DUSP14: variants seen among roughly 807,000 people sequenced by gnomAD.
DUSP14 encodes the protein dual specificity phosphatase 14.
A neutral mutation model predicts 13.2 loss-of-function variants in DUSP14; 5 were observed. The ratio of observed to expected loss-of-function variants is 0.38; its 90% confidence interval spans 0.20 to 0.80. The LOEUF (loss-of-function observed/expected upper bound fraction) is 0.80. DUSP14 is among the 30% of genes least tolerant of loss of function. The probability of loss-of-function intolerance (pLI) is 0.44; values close to 1 mark genes in which losing one functional copy is unlikely to be tolerated. For synonymous variants in DUSP14, 91 were observed against 103.4 expected, an observed-to-expected ratio of 0.88 and a Z score of 0.73; for missense variants, 185 against 264.0, an observed-to-expected ratio of 0.70 and a Z score of 2.07.
chr17:37,498,707 C>G (rs12936188), intron 1 of DUSP14, among the ~76,000 whole-genome samples: 5 of 149,892 alleles, frequency 3.3e-5, no homozygotes, highest in Admixed American at 6.6e-5. Context: ...ATTACACTTA[C>G]GGAGTTTCTT....
chr17:37,493,011 GTGTA>G (rs1648806740), intron 1 of DUSP14, among the ~76,000 whole-genome samples: 1 of 152,060 alleles, frequency 6.6e-6, no homozygotes, highest in Non-Finnish European at 1.5e-5. Flanking sequence ...GTGTGTGTAT[GTGTA>G]TGTATGTGTG....
rs1040172108 is a variant in DUSP14, at chr17:37,490,279, G to C, written c.-181+321G>C. Among the ~76,000 whole-genome samples, 4 of 152,162 alleles carry C rather than the reference G, an allele frequency of 2.6e-5. No homozygotes were observed. In the East Asian group the frequency reaches 7.7e-4, roughly 29 times the overall value. ...GTGCCCCGGGGCTCCAGCAGCCTCG[G>C]CCGCGCCTCCTCCGTCGCCTTCCGA... On this transcript the variant is annotated intron_variant, in intron 1 of 2. Transcript: ENST00000617516.
intron 1 of DUSP14, among the ~76,000 whole-genome samples, chr17:37,498,676 G>GTTTT (rs58904773): frequency 8.0e-4 from 117 of 145,644 alleles, no homozygotes; most frequent in South Asian, 4.3e-3. Flanking sequence ...AAAGTAATCA[G>GTTTT]TTTTTTTTTT....
chr17:37,489,143 A>G (rs1275047335), upstream of DUSP14, among the ~76,000 whole-genome samples: 1 of 152,162 alleles, frequency 6.6e-6, no homozygotes, highest in East Asian at 1.9e-4. Context: ...CTGAATTTTA[A>G]AAGACCCTCA....
intron 1 of DUSP14, among the ~76,000 whole-genome samples, chr17:37,506,941 C>T (rs1040742947): frequency 6.6e-6 from 1 of 152,192 alleles, no homozygotes; most frequent in Non-Finnish European, 1.5e-5. Flanking sequence ...CACACCCCCC[C>T]GCGTGTGTGG....
At chr17:37,509,087 C>CA (rs71135734) in intron 1 of DUSP14, among the ~76,000 whole-genome samples, 4,567 of 31,116 alleles carry the variant, frequency 0.15, 1,007 homozygotes, top group East Asian at 0.39. Flanking sequence ...GAAGCCAGAC[C>CA]AAAAAAAAAA....
chr17:37,489,935 C>CCCGCGCCGCG lies in DUSP14; in HGVS notation c.-200_-199insGCCGCGCCGC, dbSNP rs1296144106. On this transcript the variant is annotated 5_prime_UTR_variant, in exon 1 of 3. Coordinates refer to ENST00000617516, the MANE Select transcript of DUSP14 (RefSeq NM_007026.4). The stretch of plus-strand genomic sequence containing the variant: ...CAGGAGGACGGAGCCCTAACCGCAA[C>CCCGCGCCGCG]CCGCTCCGCGCCGCGCCGCGCCGGT... 8 of 140,742 alleles carry CCCGCGCCGCG rather than the reference C, an allele frequency of 5.7e-5. No individual in the cohort carries two copies. The highest frequency in any genetic ancestry group is 6.9e-5 in the Admixed American group (1 of 14,414). 8.7% of individuals were successfully genotyped at this position (140,742 alleles called of 1,614,324 possible). A position where few individuals can be genotyped will look rare whatever the true frequency, so the allele number is the denominator to read the frequency against.
intron 1 of DUSP14, among the ~76,000 whole-genome samples, chr17:37,507,995 A>G (rs1333769295): frequency 6.6e-6 from 1 of 152,246 alleles, no homozygotes; most frequent in Admixed American, 6.5e-5. Context: ...CATCCAATGC[A>G]CACACACGCA....
chr17:37,509,259 A>G (rs2054163219), intron 1 of DUSP14, among the ~76,000 whole-genome samples: 528 of 28,716 alleles, frequency 0.018, 41 homozygotes, highest in African/African-American at 0.054. Context: ...ATATATATAT[A>G]TATATATATA....
intron 1 of DUSP14, among the ~76,000 whole-genome samples, chr17:37,507,140 G>A: frequency 6.6e-6 from 1 of 152,304 alleles, no homozygotes; most frequent in South Asian, 2.1e-4. Context: ...AATCTGTCAA[G>A]GGGGTCAGGA....
At chr17:37,504,514 A>T (rs138308704) in intron 1 of DUSP14, among the ~76,000 whole-genome samples, 3 of 152,342 alleles carry the variant, frequency 2.0e-5, no homozygotes, top group South Asian at 2.1e-4. Context: ...AGTAAGTAGA[A>T]GATGTTGAGA....
At chr17:37,509,087 CA>C (rs71135734) in intron 1 of DUSP14, among the ~76,000 whole-genome samples, 13,116 of 31,114 alleles carry the variant, frequency 0.42, 2,788 homozygotes, top group Admixed American at 0.6. Context: ...GAAGCCAGAC[CA>C]AAAAAAAAAA....
chr17:37,508,829 G>A (rs1409600838), intron 1 of DUSP14, among the ~76,000 whole-genome samples: 2 of 146,290 alleles, frequency 1.4e-5, no homozygotes, highest in Non-Finnish European at 3.0e-5. Flanking sequence ...AAACATACGT[G>A]TCATAGGACC....
intron 2 of DUSP14, among the ~76,000 whole-genome samples, chr17:37,511,384 G>A (rs752260268): frequency 3.2e-4 from 48 of 152,140 alleles, no homozygotes; most frequent in Admixed American, 2.0e-3. Context: ...AGGTTCAAGC[G>A]TGTCTCTTGC....
At chr17:37,501,717 A>G (rs903476857) in intron 1 of DUSP14, among the ~76,000 whole-genome samples, 7 of 152,086 alleles carry the variant, frequency 4.6e-5, no homozygotes, top group African/African-American at 1.7e-4. Flanking sequence ...GGGTTTTACC[A>G]TGTTGGCCAG....
chr17:37,496,102 A>C (rs1859378839), intron 1 of DUSP14, among the ~76,000 whole-genome samples: 1 of 152,192 alleles, frequency 6.6e-6, no homozygotes, highest in Admixed American at 6.5e-5. Context: ...TAAATCTTTT[A>C]AATCTTTGTG....
chr17:37,507,705 C>T (rs548492368), intron 1 of DUSP14, among the ~76,000 whole-genome samples: 134 of 152,220 alleles, frequency 8.8e-4, no homozygotes, highest in African/African-American at 3.1e-3. Flanking sequence ...TCCCAAAGTG[C>T]TGGGATTATA....
chr17:37,509,148 CACACACACACACACACACACTCTA>C (rs1187678650), intron 1 of DUSP14, among the ~76,000 whole-genome samples: 1 of 45,566 alleles, frequency 2.2e-5, no homozygotes, highest in Non-Finnish European at 3.6e-5. Flanking sequence ...CACACACACA[CACACACACACACACACACACTCTA>C]TATATATATG....
At chr17:37,493,032 T>C (rs2054039472) in intron 1 of DUSP14, among the ~76,000 whole-genome samples, 1 of 152,158 alleles carries the variant, frequency 6.6e-6, no homozygotes, top group Admixed American at 6.5e-5. Flanking sequence ...TGTGTGTGTA[T>C]GTATGTATAT....
Sources: allele counts gnomAD v4.1 joint callset (sites outside exome capture counted in the v4.1 genomes callset), GRCh38; gene constraint gnomAD v4.1.1; transcripts MANE v1.5; gene names NCBI Gene and HGNC (gene_info 2026-07-23, HGNC 2026-07-21).